The following MEOX2 variants were observed in gnomAD, a reference collection of about 807,000 sequenced individuals.
MEOX2 encodes the protein homeobox protein MOX-2.
A neutral mutation model predicts 27.0 loss-of-function variants in MEOX2; 11 were observed. That is an observed-to-expected ratio of 0.41 (90% CI 0.26 to 0.68). MEOX2 has a LOEUF of 0.68. MEOX2 is among the 30% of genes least tolerant of loss of function. The probability of loss-of-function intolerance (pLI) is 0.33; values close to 1 mark genes in which losing one functional copy is unlikely to be tolerated. For synonymous variants in MEOX2, 189 were observed against 155.4 expected (o/e 1.22, Z -1.61); for missense variants, 436 against 385.4 (o/e 1.13, Z -1.10).
At chr7:15,685,628 T>C (rs1171509581) in intron 1 of MEOX2, among the ~76,000 whole-genome samples, 1 of 152,230 alleles carries the variant, frequency 6.6e-6, no homozygotes, top group Non-Finnish European at 1.5e-5. Context: ...TCCTTTTTTA[T>C]CAACCTTCTG....
chr7:15,621,733 A>G (rs1348711452), intron 2 of MEOX2, among the ~76,000 whole-genome samples: 5 of 152,210 alleles, frequency 3.3e-5, no homozygotes, highest in Admixed American at 6.5e-5. Context: ...TTTATTGTCA[A>G]TCATGTACAA....
chr7:15,637,468 C>T (rs1781497485), intron 1 of MEOX2, among the ~76,000 whole-genome samples: 1 of 151,702 alleles, frequency 6.6e-6, no homozygotes. Flanking sequence ...CGTGTGCTAC[C>T]ACCCACAAAA....
At chr7:15,642,685 T>C (rs996364258) in intron 1 of MEOX2, among the ~76,000 whole-genome samples, 21 of 152,234 alleles carry the variant, frequency 1.4e-4, no homozygotes, top group Admixed American at 2.0e-4. Context: ...GCATTCTGTT[T>C]CTTCATGGTG....
chr7:15,613,790 C>A (rs1781073441), intron 2 of MEOX2, among the ~76,000 whole-genome samples: 1 of 151,940 alleles, frequency 6.6e-6, no homozygotes, highest in Non-Finnish European at 1.5e-5. Flanking sequence ...TATAATATTC[C>A]AAATTCTGTC....
At chr7:15,617,698 A>G (rs775034026) in intron 2 of MEOX2, among the ~76,000 whole-genome samples, 5 of 151,974 alleles carry the variant, frequency 3.3e-5, no homozygotes, top group Non-Finnish European at 5.9e-5. Flanking sequence ...GTTAGGATAT[A>G]CTTCATAACT....
intron 1 of MEOX2, among the ~76,000 whole-genome samples, chr7:15,656,989 T>C (rs990568297): frequency 1.3e-5 from 2 of 152,124 alleles, no homozygotes; most frequent in African/African-American, 4.8e-5. Context: ...TGTTCTTTTC[T>C]TTCTGCACTT....
At chr7:15,626,697 G>C (rs757357632) in intron 2 of MEOX2, 49 bp downstream of exon 2, 1 of 1,381,422 alleles carries the variant, frequency 7.2e-7, no homozygotes, top group East Asian at 2.3e-5. Context: ...GAAGACTGTG[G>C]ACCCAGGGCA....
intron 1 of MEOX2, among the ~76,000 whole-genome samples, chr7:15,660,760 G>A (rs937932109): frequency 9.2e-5 from 14 of 152,054 alleles, no homozygotes; most frequent in African/African-American, 2.7e-4. Flanking sequence ...GGTGGCTCAT[G>A]CCTCTAATCC....
At chr7:15,665,883 A>G (rs973434909) in intron 1 of MEOX2, among the ~76,000 whole-genome samples, 8 of 152,222 alleles carry the variant, frequency 5.3e-5, no homozygotes, top group Admixed American at 5.2e-4. Context: ...TTCAAACAGC[A>G]GATTATAGAA....
chr7:15,623,800 C>T (rs1781254647), intron 2 of MEOX2, among the ~76,000 whole-genome samples: 2 of 152,188 alleles, frequency 1.3e-5, no homozygotes. Context: ...TTACATCATT[C>T]CTCTCCTGTG....
intron 1 of MEOX2, among the ~76,000 whole-genome samples, chr7:15,672,841 G>A (rs1035837664): frequency 1.3e-5 from 2 of 151,320 alleles, no homozygotes; most frequent in Admixed American, 6.6e-5. Flanking sequence ...GCAGTGAGCC[G>A]AGATCGTGCC....
intron 1 of MEOX2, among the ~76,000 whole-genome samples, chr7:15,647,412 A>G (rs1781668610): frequency 6.6e-6 from 1 of 152,140 alleles, no homozygotes; most frequent in Non-Finnish European, 1.5e-5. Context: ...ACATTTTAGT[A>G]AATTCTCTAG....
intron 1 of MEOX2, among the ~76,000 whole-genome samples, chr7:15,648,813 A>G (rs1332340755): frequency 6.6e-6 from 1 of 152,040 alleles, no homozygotes; most frequent in East Asian, 1.9e-4. Flanking sequence ...AACATAATTA[A>G]TCACCCAGAG....
intron 1 of MEOX2, among the ~76,000 whole-genome samples, chr7:15,639,513 T>C (rs1781529309): frequency 6.6e-6 from 1 of 152,050 alleles, no homozygotes; most frequent in African/African-American, 2.4e-5. Context: ...TTGTTTTTGG[T>C]GCATTTTCTT....
intron 2 of MEOX2, 49 bp downstream of exon 2, chr7:15,626,697 G>T (rs757357632): frequency 2.9e-6 from 4 of 1,381,422 alleles, no homozygotes; most frequent in South Asian, 1.3e-5. Context: ...GAAGACTGTG[G>T]ACCCAGGGCA....
intron 2 of MEOX2, among the ~76,000 whole-genome samples, chr7:15,621,854 C>A (rs563572390): frequency 2.6e-5 from 4 of 152,294 alleles, no homozygotes; most frequent in African/African-American, 9.6e-5. Context: ...TGCCATGGCT[C>A]AAGCCCGTAA....
At chr7:15,650,356 G>C (rs1471485228) in intron 1 of MEOX2, among the ~76,000 whole-genome samples, 1 of 152,012 alleles carries the variant, frequency 6.6e-6, no homozygotes, top group Admixed American at 6.6e-5. Flanking sequence ...ACCTGCACCA[G>C]ATTCAGCATC....
intron 2 of MEOX2, among the ~76,000 whole-genome samples, chr7:15,618,425 C>A (rs913249057): frequency 6.6e-6 from 1 of 151,946 alleles, no homozygotes; most frequent in Non-Finnish European, 1.5e-5. Flanking sequence ...TTCTGAGCCA[C>A]TACTTCATGC....
chr7:15,620,291 T>C (rs1364998102), intron 2 of MEOX2, among the ~76,000 whole-genome samples: 2 of 152,194 alleles, frequency 1.3e-5, no homozygotes, highest in East Asian at 1.9e-4. Context: ...TGTGGCTACA[T>C]AGGTAGACTT....
Sources: allele counts gnomAD v4.1 joint callset (sites outside exome capture counted in the v4.1 genomes callset), GRCh38; gene constraint gnomAD v4.1.1; transcripts MANE v1.5; gene names NCBI Gene and HGNC (gene_info 2026-07-23, HGNC 2026-07-21).